The following CDK19 variants were observed in gnomAD, a reference collection of about 807,000 sequenced individuals.
CDK19 encodes the protein cyclin dependent kinase 19.
A neutral mutation model predicts 68.3 loss-of-function variants in CDK19; 20 were observed. The observed-to-expected ratio is 0.29, with a 90% CI of 0.21 to 0.43. The LOEUF is 0.43. CDK19 is among the 20% of genes least tolerant of loss of function. The probability of loss-of-function intolerance (pLI) is 1.00; values close to 1 mark genes in which losing one functional copy is unlikely to be tolerated. For synonymous variants in CDK19, 221 were observed against 222.8 expected, an observed-to-expected ratio of 0.99 and a Z score of 0.07; for missense variants, 339 against 623.5, an observed-to-expected ratio of 0.54 and a Z score of 4.86.
chr6:110,652,188 A>C lies in CDK19; in HGVS notation c.457-13482T>G, dbSNP rs548128475. Reference sequence around the variant, plus strand: ...AAGTAAAAAATAAATAAATAAGCTAAAAAAGAAAACAAAGGTAAGAAAACC... The same window carrying C: ...AAGTAAAAAATAAATAAATAAGCTACAAAAGAAAACAAAGGTAAGAAAACC... On this transcript the variant is annotated intron_variant, in intron 4 of 12. Transcript: ENST00000368911. Among the ~76,000 whole-genome samples, 11 of 152,280 alleles carry C rather than the reference A, an allele frequency of 7.2e-5. No homozygotes were observed. The South Asian group carries it at 2.3e-3, about 32-fold the overall frequency.
chr6:110,709,751 A>G (rs1242068210), intron 2 of CDK19, among the ~76,000 whole-genome samples: 2 of 152,202 alleles, frequency 1.3e-5, no homozygotes, highest in African/African-American at 4.8e-5. Context: ...TAGAAATTCT[A>G]ATGTAATTCT....
intron 1 of CDK19, among the ~76,000 whole-genome samples, chr6:110,759,054 G>C (rs574295856): frequency 6.6e-6 from 1 of 152,144 alleles, no homozygotes; most frequent in Admixed American, 6.5e-5. Flanking sequence ...TTGAGCCCAG[G>C]AGTTTGAGAC....
chr6:110,802,683 T>C (rs1196755507), intron 1 of CDK19, among the ~76,000 whole-genome samples: 1 of 151,974 alleles, frequency 6.6e-6, no homozygotes, highest in Non-Finnish European at 1.5e-5. Context: ...TATCCCCAAA[T>C]CTAAAATTTA....
chr6:110,617,019 C>T (rs1458587115), intron 12 of CDK19, among the ~76,000 whole-genome samples: 1 of 152,106 alleles, frequency 6.6e-6, no homozygotes, highest in African/African-American at 2.4e-5. Context: ...ACTAATGGAA[C>T]TGTTGGGGCA....
intron 5 of CDK19, 147 bp downstream of exon 5, chr6:110,638,502 A>C: frequency 1.7e-6 from 1 of 581,836 alleles, no homozygotes; most frequent in East Asian, 3.3e-5. Context: ...TTTGTAGACT[A>C]TCTATCTACA....
At chr6:110,700,236 A>G (rs1231561488) in intron 2 of CDK19, among the ~76,000 whole-genome samples, 1 of 152,186 alleles carries the variant, frequency 6.6e-6, no homozygotes, top group African/African-American at 2.4e-5. Context: ...CTGATTACAC[A>G]CTATGGTGAG....
At chr6:110,706,402 T>TTG (rs1296193204) in intron 2 of CDK19, 1 of 59,780 alleles carries the variant, frequency 1.7e-5, no homozygotes, top group Non-Finnish European at 4.0e-5. Flanking sequence ...GGTAACACTG[T>TTG]TGTTTTTTTT....
chr6:110,723,583 C>T (rs1444987127), intron 2 of CDK19, among the ~76,000 whole-genome samples: 2 of 152,114 alleles, frequency 1.3e-5, no homozygotes, highest in African/African-American at 4.8e-5. Context: ...CTACAAAATA[C>T]CAACAAAGTA....
At chr6:110,786,355 A>G (rs2115051957) in intron 1 of CDK19, among the ~76,000 whole-genome samples, 1 of 152,148 alleles carries the variant, frequency 6.6e-6, no homozygotes, top group Middle Eastern at 3.4e-3. Flanking sequence ...CCTTCACTCC[A>G]TCTTTTTTTC....
chr6:110,681,486 CAA>C (rs1221638427), intron 2 of CDK19, among the ~76,000 whole-genome samples: 1 of 152,140 alleles, frequency 6.6e-6, no homozygotes, highest in African/African-American at 2.4e-5. Flanking sequence ...AATTTAAAAA[CAA>C]ATACATACAC....
intron 2 of CDK19, among the ~76,000 whole-genome samples, chr6:110,740,033 T>C (rs1170957955): frequency 2.6e-5 from 4 of 152,058 alleles, no homozygotes; most frequent in Non-Finnish European, 4.4e-5. Flanking sequence ...GATTAAATTA[T>C]ATTTCATGAA....
At chr6:110,723,303 C>T (rs971958192) in intron 2 of CDK19, among the ~76,000 whole-genome samples, 2 of 152,100 alleles carry the variant, frequency 1.3e-5, no homozygotes, top group African/African-American at 2.4e-5. Context: ...ATTTTGGCCC[C>T]CAGGAGTCAA....
rs1374395376 is a variant in CDK19 at position 110,610,540 on chromosome 6, G to A, written c.*3995C>T. 1 of 152,064 alleles carries A rather than the reference G, an allele frequency of 6.6e-6. No homozygotes were observed. The highest frequency in any genetic ancestry group is 1.5e-5 in the Non-Finnish European group (1 of 67,964). The allele number at this position is 152,064 out of a possible 1,614,324, so 9.4% of individuals were successfully genotyped here. On this transcript the variant is annotated 3_prime_UTR_variant, in exon 13 of 13. Coordinates refer to ENST00000368911, the MANE Select transcript of CDK19 (RefSeq NM_015076.5). ...TTGCAGTGATAGCATAGAAGAGTAA[G>A]TATGGCCTTAGGTACAACACGTTTT... is the stretch of plus-strand genomic sequence containing the variant.
intron 1 of CDK19, chr6:110,814,581 C>A (rs1310464135): frequency 6.5e-6 from 3 of 458,100 alleles, no homozygotes; most frequent in African/African-American, 4.0e-5. Context: ...GCCGCCCCCG[C>A]GAGGCGCTCA....
At chr6:110,634,476 C>T (rs1397802577) in intron 5 of CDK19, among the ~76,000 whole-genome samples, 1 of 152,182 alleles carries the variant, frequency 6.6e-6, no homozygotes, top group Non-Finnish European at 1.5e-5. Flanking sequence ...CCTCAGCCTC[C>T]CAAAGGGCTG....
chr6:110,675,188 G>T (rs1200462002), intron 2 of CDK19, among the ~76,000 whole-genome samples: 1 of 152,214 alleles, frequency 6.6e-6, no homozygotes, highest in African/African-American at 2.4e-5. Context: ...TTCCGTGTAG[G>T]ACTTTCATAG....
chr6:110,769,152 C>CAG (rs1562273196), intron 1 of CDK19, among the ~76,000 whole-genome samples: 2 of 50,552 alleles, frequency 4.0e-5, no homozygotes, highest in Non-Finnish European at 7.4e-5. Flanking sequence ...GACTCTGTCT[C>CAG]AAAAAAAAAA....
intron 12 of CDK19, 81 bp from the exon 13 acceptor site, chr6:110,614,747 T>G (rs772453929): frequency 2.1e-6 from 3 of 1,422,572 alleles, no homozygotes; most frequent in Non-Finnish European, 2.9e-6. Context: ...AGGATAGAGA[T>G]ATAAGCCGTT....
chr6:110,713,205 A>C (rs1213419377), intron 2 of CDK19, among the ~76,000 whole-genome samples: 1 of 151,426 alleles, frequency 6.6e-6, no homozygotes, highest in Non-Finnish European at 1.5e-5. Context: ...CAAAAAAAAA[A>C]AAAAAAAGCA....
Sources: allele counts gnomAD v4.1 joint callset (sites outside exome capture counted in the v4.1 genomes callset), GRCh38; gene constraint gnomAD v4.1.1; transcripts MANE v1.5; gene names NCBI Gene and HGNC (gene_info 2026-07-23, HGNC 2026-07-21).